The following ZNF589 variants were observed in gnomAD, a reference collection of about 807,000 sequenced individuals.
The protein encoded by ZNF589 is KRAB-zinc finger protein SZF1-1.
A neutral mutation model predicts 13.6 loss-of-function variants in ZNF589; 17 were observed. That is an observed-to-expected ratio of 1.25 (90% CI 0.86 to 1.88). The LOEUF (loss-of-function observed/expected upper bound fraction) is 1.88. Among genes scored for constraint, ZNF589 ranks in the 40% most tolerant of loss-of-function variants. ZNF589 has a pLI of 0.00. For synonymous variants in ZNF589, 148 were observed against 161.6 expected (o/e 0.92, Z 0.64); for missense variants, 407 against 434.0 (o/e 0.94, Z 0.55).
intron 2 of ZNF589, among the ~76,000 whole-genome samples, chr3:48,254,631 T>G (rs1232720358): frequency 6.6e-6 from 1 of 152,242 alleles, no homozygotes; most frequent in South Asian, 2.1e-4. Context: ...AGATCATCTT[T>G]GATTTCTTTC....
chr3:48,261,255 T>G (rs917785470), intron 3 of ZNF589, among the ~76,000 whole-genome samples: 1 of 152,168 alleles, frequency 6.6e-6, no homozygotes, highest in Non-Finnish European at 1.5e-5. Context: ...GGCTGAACTT[T>G]TAAATTGCAT....
chr3:48,241,108 A>G lies in ZNF589; in HGVS notation c.-64A>G, dbSNP rs2033689534. The G allele has an allele frequency of 5.0e-6, 8 of 1,606,262 alleles. No homozygotes were observed. Among genetic ancestry groups the G allele is most frequent in the African/African-American group, 1.3e-5 (1 of 74,782 alleles). ...GCGCCGCCAGTGGCCCGCGGTGCGC[A>G]TTCTAATCCGTTTCACACACGGTGC... On this transcript the variant is annotated 5_prime_UTR_variant, in exon 1 of 4. Coordinates refer to ENST00000354698, the MANE Select transcript of ZNF589 (RefSeq NM_016089.3).
In ZNF589 at chr3:48,270,081, C is replaced by A. The variant is rs762281976; in HGVS notation, c.*1295C>A. On this transcript the variant is annotated 3_prime_UTR_variant, in exon 4 of 4. Transcript: ENST00000354698. The stretch of plus-strand genomic sequence containing the variant: ...GAATGGTCTTTGCATCTGACTACTT[C>A]CTTCTGCAACTGTGTTCTTCCATTA... 19 of 457,074 alleles carry A rather than the reference C, an allele frequency of 4.2e-5. No homozygotes were observed. The highest frequency in any genetic ancestry group is 8.4e-5 in the Non-Finnish European group (19 of 227,074). 28.3% of individuals were successfully genotyped at this position (457,074 alleles called of 1,614,324 possible).
chr3:48,259,276 C>T (rs1231388571), intron 2 of ZNF589, among the ~76,000 whole-genome samples: 1 of 152,210 alleles, frequency 6.6e-6, no homozygotes, highest in Non-Finnish European at 1.5e-5. Context: ...AGTATCTACA[C>T]CTAGTTTCCT....
chr3:48,264,890 T>A (rs2034003481), intron 3 of ZNF589, among the ~76,000 whole-genome samples: 1 of 152,204 alleles, frequency 6.6e-6, no homozygotes, highest in Non-Finnish European at 1.5e-5. Context: ...TCCCATTCCA[T>A]TCTTCTGTTC....
At chr3:48,252,938 A>T (rs1451739089) in intron 2 of ZNF589, among the ~76,000 whole-genome samples, 2 of 152,080 alleles carry the variant, frequency 1.3e-5, no homozygotes, top group Non-Finnish European at 2.9e-5. Context: ...TCTTAACATT[A>T]TTGAGTTTTC....
chr3:48,248,279 G>A (rs1306462667), intron 2 of ZNF589, among the ~76,000 whole-genome samples: 1 of 152,122 alleles, frequency 6.6e-6, no homozygotes, highest in Non-Finnish European at 1.5e-5. Flanking sequence ...CCCCATTTTC[G>A]AGATGAGATC....
At position 48,241,204 on chromosome 3, in the gene ZNF589, G is replaced by C; in HGVS notation, c.33G>C (p.Trp11Cys). 1.2e-6 allele frequency: 2 copies of C among 1,613,028 alleles called. No individual in the cohort carries two copies. The highest frequency in any genetic ancestry group is 1.7e-6 in the Non-Finnish European group (2 of 1,179,776). ...CCCCGCGGGAGCAGCTACTGGGCTG[G>C]ACTGCGGAAGGTGAGTCGGGGCCGC... is the stretch of plus-strand genomic sequence containing the variant. MWAPREQLLG[W>C]TAEALPAKDS... The change falls in exon 1 of 4, where the codon TGG becomes TGC. Residue 11 changes from tryptophan (W) to cysteine (C), a missense_variant. By Grantham distance (215) the Trp-to-Cys change is radical. Coordinates refer to ENST00000354698, the MANE Select transcript of ZNF589 (RefSeq NM_016089.3).
Position 48,260,935 on chromosome 3 carries a change from A to G in ZNF589, c.219A>G (p.Ser73=), listed in dbSNP as rs751636739. The change falls in exon 3 of 4, where the codon TCA becomes TCG. Residue 73 remains serine, a synonymous_variant. Transcript: ENST00000354698. ...VMLENLRNLV[S]LAESKPEVHT... ...TGGAAAATCTCAGGAATCTGGTCTCATTGGGTAAGGACATGTTCTCTTCCT... is the reference window on the plus strand; with the variant it reads ...TGGAAAATCTCAGGAATCTGGTCTCGTTGGGTAAGGACATGTTCTCTTCCT... The G allele has an allele frequency of 6.8e-6, 11 of 1,614,018 alleles. No homozygotes were observed. The highest frequency in any genetic ancestry group is 3.3e-5 in the Admixed American group (2 of 59,990).
At position 48,270,569 on chromosome 3, in the gene ZNF589, GGCTGGGGCTAGC is replaced by G. The variant is rs1301594894; in HGVS notation, c.*1784_*1795del. On this transcript the variant is annotated 3_prime_UTR_variant, in exon 4 of 4. Transcript: ENST00000354698. ...TCTGACAGTTTGCCTTACTCCCTTG[GGCTGGGGCTAGC>G]CCTACCTGATACCCTGTGTCAATGA... 3.2e-6 allele frequency: 1 copy of G among 314,336 alleles called. No individual in the cohort carries two copies. Among genetic ancestry groups the G allele is most frequent in the Non-Finnish European group, 6.2e-6 (1 of 160,870 alleles). 19.5% of individuals were successfully genotyped at this position (314,336 alleles called of 1,614,324 possible). A position where few individuals can be genotyped will look rare whatever the true frequency, so the allele number is the denominator to read the frequency against.
At chr3:48,253,983 G>A (rs2033868884) in intron 2 of ZNF589, among the ~76,000 whole-genome samples, 1 of 152,140 alleles carries the variant, frequency 6.6e-6, no homozygotes, top group African/African-American at 2.4e-5. Flanking sequence ...CTAGCTACTT[G>A]GGAGGCTGCC....
intron 2 of ZNF589, chr3:48,256,871 G>T (rs1434894773): frequency 9.7e-7 from 1 of 1,026,694 alleles, no homozygotes; most frequent in Admixed American, 2.0e-5. Flanking sequence ...GCTGGTCACT[G>T]CTGGGCCTGC....
Position 48,268,445 on chromosome 3 carries a change from G to A in ZNF589, c.754G>A (p.Glu252Lys). Residue 252 changes from glutamate (E) to lysine (K), a missense_variant, in exon 4 of 4, where the codon GAG (glutamate) becomes AAG (lysine). Coordinates refer to ENST00000354698, the MANE Select transcript of ZNF589 (RefSeq NM_016089.3). ...SDKRQSQVCR[E>K]CGRGFSRKSQ... The stretch of plus-strand genomic sequence containing the variant: ...CAAAAGGCAGTCACAGGTGTGCAGG[G>A]AGTGTGGGCGAGGCTTTAGCAGGAA... 1 of 1,614,212 alleles carries A rather than the reference G, an allele frequency of 6.2e-7. No individual in the cohort carries two copies. Among genetic ancestry groups the A allele is most frequent in the South Asian group, 1.1e-5 (1 of 91,082 alleles).
intron 2 of ZNF589, among the ~76,000 whole-genome samples, chr3:48,259,655 G>A (rs960659190): frequency 5.9e-5 from 9 of 152,158 alleles, no homozygotes; most frequent in African/African-American, 2.2e-4. Flanking sequence ...GCAGAGTGAA[G>A]TTAAAATTCT....
At position 48,267,983 on chromosome 3, in the gene ZNF589, A is replaced by G; in HGVS notation, c.292A>G (p.Ser98Gly). 1 of 1,613,984 alleles carries G rather than the reference A, an allele frequency of 6.2e-7. No individual in the cohort carries two copies. Among genetic ancestry groups the G allele is most frequent in the Non-Finnish European group, 8.5e-7 (1 of 1,180,038 alleles). Residue 98 changes from serine (S) to glycine (G), a missense_variant, in exon 4 of 4, where the codon AGC (serine) becomes GGC (glycine). By Grantham distance (56) the Ser-to-Gly change is moderately conservative. Coordinates refer to ENST00000354698, the MANE Select transcript of ZNF589 (RefSeq NM_016089.3). ...PLAFGSQQFLSQDELHNHPIP... is the reference protein window; with the variant it reads ...PLAFGSQQFLGQDELHNHPIP... ...GGCCTTTGGCAGTCAGCAGTTCCTC[A>G]GCCAAGATGAGCTACACAATCATCC...
At chr3:48,245,025 G>A (rs959340929) in intron 1 of ZNF589, among the ~76,000 whole-genome samples, 49 of 152,106 alleles carry the variant, frequency 3.2e-4, no homozygotes, top group African/African-American at 1.1e-3. Context: ...ATGTTGGCCA[G>A]GCTGGTCTCG....
chr3:48,249,971 T>C (rs1041478174), intron 2 of ZNF589, among the ~76,000 whole-genome samples: 3 of 152,022 alleles, frequency 2.0e-5, no homozygotes, highest in African/African-American at 7.2e-5. Flanking sequence ...CTACTAAAAA[T>C]ACAAAAATTA....
At chr3:48,267,571 AT>A (rs548276534) in intron 3 of ZNF589, among the ~76,000 whole-genome samples, 84 of 151,994 alleles carry the variant, frequency 5.5e-4, no homozygotes, top group African/African-American at 1.9e-3. Context: ...TAATTTTTGT[AT>A]TTTTAGTAGA....
chr3:48,255,487 CTTTTTTTTTT>C (rs1230659894), intron 2 of ZNF589, among the ~76,000 whole-genome samples: 7 of 82,788 alleles, frequency 8.5e-5, no homozygotes, highest in South Asian at 8.1e-4. Flanking sequence ...AGAGTTTTTA[CTTTTTTTTTT>C]TTTTTTTTTT....
Sources: allele counts gnomAD v4.1 joint callset (sites outside exome capture counted in the v4.1 genomes callset), GRCh38; gene constraint gnomAD v4.1.1; transcripts MANE v1.5; gene names NCBI Gene and HGNC (gene_info 2026-07-23, HGNC 2026-07-21).